Variants in SACM1L observed in about 807,000 individuals in gnomAD.
SACM1L encodes SAC1 like phosphatidylinositide phosphatase.
In SACM1L, 32 loss-of-function variants were observed where a neutral mutation model predicts 89.5. The observed-to-expected ratio is 0.36, with a 90% CI of 0.27 to 0.48. The LOEUF (loss-of-function observed/expected upper bound fraction) is 0.48, where lower values mean the gene tolerates loss of function less well. Ranked by LOEUF, SACM1L falls within the 20% of genes least tolerant of loss-of-function variation. SACM1L has a pLI of 0.99. For missense variants in SACM1L, 543 were observed against 708.5 expected, an observed-to-expected ratio of 0.77 and a Z score of 2.65; for synonymous variants, 213 against 232.8, an observed-to-expected ratio of 0.92 and a Z score of 0.77.
intron 14 of SACM1L, among the ~76,000 whole-genome samples, chr3:45,736,927 CCTT>C (rs1324926900): frequency 5.9e-5 from 9 of 151,966 alleles, no homozygotes; most frequent in Middle Eastern, 3.2e-3. Context: ...GGGAATGACT[CCTT>C]CTGAGGTGGA....
intron 11 of SACM1L, among the ~76,000 whole-genome samples, chr3:45,728,635 T>A (rs1455662523): frequency 6.6e-6 from 1 of 152,224 alleles, no homozygotes; most frequent in African/African-American, 2.4e-5. Flanking sequence ...AACATCAATA[T>A]ATAATTATTT....
intron 14 of SACM1L, chr3:45,737,358 A>G: frequency 1.8e-6 from 1 of 562,754 alleles, no homozygotes; most frequent in Non-Finnish European, 3.1e-6. Context: ...CCCTCAAGGG[A>G]GTGCGGGGGC....
intron 11 of SACM1L, among the ~76,000 whole-genome samples, chr3:45,726,457 G>T (rs1477561030): frequency 6.6e-6 from 1 of 151,708 alleles, no homozygotes; most frequent in Non-Finnish European, 1.5e-5. Flanking sequence ...CAGGTTATAT[G>T]TCTAGGAATT....
At chr3:45,732,883 T>C (rs1397256578) in intron 13 of SACM1L, among the ~76,000 whole-genome samples, 1 of 152,246 alleles carries the variant, frequency 6.6e-6, no homozygotes, top group Non-Finnish European at 1.5e-5. Context: ...CAAATGCACT[T>C]TTTAATTTGT....
At chr3:45,708,342 GATAT>G (rs1553651677) in intron 4 of SACM1L, among the ~76,000 whole-genome samples, 1 of 151,972 alleles carries the variant, frequency 6.6e-6, no homozygotes, top group Non-Finnish European at 1.5e-5. Flanking sequence ...ATTGTTTAGA[GATAT>G]ATATACCTGT....
At chr3:45,736,856 A>G (rs188265786) in intron 14 of SACM1L, among the ~76,000 whole-genome samples, 8 of 152,216 alleles carry the variant, frequency 5.3e-5, no homozygotes, top group Middle Eastern at 3.4e-3. Context: ...TCTGCCAGTG[A>G]AGGCAGAGTT....
Position 45,709,592 on chromosome 3 carries a change from T to C in SACM1L, c.428T>C (p.Leu143Ser). ...FSTTYDLTHT[L>S]QRLSNTSPEF... The stretch of plus-strand genomic sequence containing the variant: ...ACAACATATGATTTGACCCATACTT[T>C]GCAGCGGCTATCCAACACTAGTCCT... Residue 143 changes from leucine to serine, a missense_variant, in exon 5 of 20, where the codon TTG becomes TCG. Coordinates refer to ENST00000389061, the MANE Select transcript of SACM1L (RefSeq NM_014016.5). 1 of 1,613,938 alleles carries C rather than the reference T, an allele frequency of 6.2e-7. No individual in the cohort carries two copies. The highest frequency in any genetic ancestry group is 1.1e-5 in the South Asian group (1 of 91,058).
intron 14 of SACM1L, 37 bp from the exon 15 acceptor site, chr3:45,737,546 T>C: frequency 6.4e-7 from 1 of 1,567,456 alleles, no homozygotes; most frequent in Non-Finnish European, 8.7e-7. Context: ...TGCTAAAATC[T>C]ATTACACATA....
rs1468585105 is a variant in SACM1L, at chr3:45,743,687, G to A, written c.*18G>A. The A allele has an allele frequency of 1.2e-6, 2 of 1,609,066 alleles. No homozygotes were observed. The highest frequency in any genetic ancestry group is 2.7e-5 in the African/African-American group (2 of 74,778). On this transcript the variant is annotated 3_prime_UTR_variant, in exon 20 of 20. Transcript: ENST00000389061. ...TAGACTGAATTTGTATTTGTGGAAAGCGGCTTGGCTTGGAAGATTCCATTG... is the reference window on the plus strand; with the variant it reads ...TAGACTGAATTTGTATTTGTGGAAAACGGCTTGGCTTGGAAGATTCCATTG...
At chr3:45,689,908 G>A (rs1697929217) in intron 1 of SACM1L, 1 of 226,840 alleles carries the variant, frequency 4.4e-6, no homozygotes, top group South Asian at 8.6e-5. Context: ...GCAATTTAGA[G>A]TCTACGCACA....
chr3:45,736,680 T>A (rs193025909), intron 14 of SACM1L, among the ~76,000 whole-genome samples: 94 of 152,330 alleles, frequency 6.2e-4, no homozygotes, highest in Admixed American at 3.1e-3. Flanking sequence ...GTTCCATGGC[T>A]GATTAACCAA....
In SACM1L at chr3:45,737,432, T is replaced by C. The variant is rs552306157; in HGVS notation, c.1240-151T>C. Reference sequence around the variant, plus strand: ...TGCCCTGGGCAGGAGAGGGCTGCTGTGAGCTGGGGCCCCCTATAGACAACA... The same window carrying C: ...TGCCCTGGGCAGGAGAGGGCTGCTGCGAGCTGGGGCCCCCTATAGACAACA... On this transcript the variant is annotated intron_variant, in intron 14 of 19. Coordinates refer to ENST00000389061, the MANE Select transcript of SACM1L (RefSeq NM_014016.5). 2.4e-5 allele frequency: 18 copies of C among 747,786 alleles called. No individual in the cohort carries two copies. In the African/African-American group the frequency reaches 2.6e-4, roughly 11 times the overall value. The allele number at this position is 747,786 out of a possible 1,614,324, so 46.3% of individuals were successfully genotyped here.
chr3:45,706,258 G>T (rs1343237663), intron 3 of SACM1L, among the ~76,000 whole-genome samples: 1 of 152,180 alleles, frequency 6.6e-6, no homozygotes, highest in Non-Finnish European at 1.5e-5. Context: ...ATGTTGTGAT[G>T]ACTCCTTGAT....
chr3:45,723,567 G>C, intron 11 of SACM1L, 24 bp downstream of exon 11: 1 of 1,299,738 alleles, frequency 7.7e-7, no homozygotes, highest in Non-Finnish European at 1.0e-6. Flanking sequence ...GTTTCTTGGG[G>C]GGAAAAAAAA....
intron 7 of SACM1L, among the ~76,000 whole-genome samples, chr3:45,714,902 C>T (rs549078545): frequency 2.6e-5 from 4 of 152,270 alleles, no homozygotes; most frequent in East Asian, 3.9e-4. Flanking sequence ...ACATTTCAGT[C>T]GGTGACAGAC....
At chr3:45,721,581 C>T (rs1000178461) in intron 8 of SACM1L, among the ~76,000 whole-genome samples, 2 of 152,070 alleles carry the variant, frequency 1.3e-5, no homozygotes, top group African/African-American at 4.8e-5. Flanking sequence ...TGTGTTGTTA[C>T]TAAGTATAAT....
chr3:45,731,426 C>A, intron 12 of SACM1L, 46 bp downstream of exon 12: 1 of 1,287,030 alleles, frequency 7.8e-7, no homozygotes, highest in Admixed American at 1.8e-5. Context: ...ATCAGATGTG[C>A]ACTTACATAT....
In SACM1L at chr3:45,743,709, A is replaced by C. The variant is rs778798898; in HGVS notation, c.*40A>C. On this transcript the variant is annotated 3_prime_UTR_variant, in exon 20 of 20. Transcript: ENST00000389061. ...AAAGCGGCTTGGCTTGGAAGATTCC[A>C]TTGTGCAGAACTGGAGTCTTTACTG... 6.3e-7 allele frequency: 1 copy of C among 1,598,472 alleles called. No homozygotes were observed. The highest frequency in any genetic ancestry group is 8.5e-7 in the Non-Finnish European group (1 of 1,172,706).
At chr3:45,733,844 TAGTA>T (rs1332305624) in intron 13 of SACM1L, among the ~76,000 whole-genome samples, 1 of 152,200 alleles carries the variant, frequency 6.6e-6, no homozygotes, top group African/African-American at 2.4e-5. Flanking sequence ...GTTCTAGAGT[TAGTA>T]AGTTGCGTAT....
Sources: allele counts gnomAD v4.1 joint callset (sites outside exome capture counted in the v4.1 genomes callset), GRCh38; gene constraint gnomAD v4.1.1; transcripts MANE v1.5; gene names NCBI Gene and HGNC (gene_info 2026-07-23, HGNC 2026-07-21).